The following CRTAM variants were observed in gnomAD, a reference collection of about 807,000 sequenced individuals.
The protein encoded by CRTAM is cytotoxic and regulatory T-cell molecule.
Under a neutral mutation model 50.0 loss-of-function variants are expected in CRTAM, and 44 were observed. The ratio of observed to expected loss-of-function variants is 0.88; its 90% confidence interval spans 0.69 to 1.13. The LOEUF is 1.13. CRTAM is among the 50% of genes most tolerant of loss of function. The pLI, the probability that CRTAM is intolerant of heterozygous loss-of-function variation, is 0.00. For synonymous variants in CRTAM, 159 were observed against 169.3 expected (o/e 0.94, Z 0.47); for missense variants, 448 against 457.5 (o/e 0.98, Z 0.19).
intron 4 of CRTAM, among the ~76,000 whole-genome samples, chr11:122,855,357 C>T (rs1441917039): frequency 3.3e-5 from 5 of 152,210 alleles, no homozygotes; most frequent in Admixed American, 6.5e-5. Flanking sequence ...CAGGGCAGTG[C>T]CAATTCTACT....
intron 1 of CRTAM, among the ~76,000 whole-genome samples, chr11:122,845,372 G>C (rs141739450): frequency 2.0e-5 from 3 of 152,150 alleles, no homozygotes; most frequent in Non-Finnish European, 4.4e-5. Flanking sequence ...ACAAAGAGTG[G>C]GATAAACAAA....
At chr11:122,846,888 T>C (rs912174381) in intron 1 of CRTAM, among the ~76,000 whole-genome samples, 1 of 152,224 alleles carries the variant, frequency 6.6e-6, no homozygotes. Flanking sequence ...TTAGAATGTT[T>C]AATAATAAAT....
chr11:122,869,185 G>T (rs1862221727), intron 9 of CRTAM, among the ~76,000 whole-genome samples: 1 of 152,074 alleles, frequency 6.6e-6, no homozygotes, highest in African/African-American at 2.4e-5. Context: ...AGCCATCCTT[G>T]ACTGTTTGAC....
In CRTAM at chr11:122,853,940, T is replaced by C. The variant is rs771551535; in HGVS notation, c.347-3T>C. ...TAACACAGAAAAATCCATTTTGTTC[T>C]AGCAACTCCTTTCAAGCCAATCCTG... On this transcript the variant is annotated splice_region_variant and splice_polypyrimidine_tract_variant and intron_variant, in intron 3 of 9. Coordinates refer to ENST00000227348, the MANE Select transcript of CRTAM (RefSeq NM_019604.4). 4.3e-6 allele frequency: 7 copies of C among 1,613,532 alleles called. No homozygotes were observed. The highest frequency in any genetic ancestry group is 5.1e-6 in the Non-Finnish European group (6 of 1,179,814).
intron 6 of CRTAM, among the ~76,000 whole-genome samples, chr11:122,863,990 GA>G (rs1035882711): frequency 2.3e-4 from 35 of 149,830 alleles, no homozygotes; most frequent in Middle Eastern, 3.4e-3. Flanking sequence ...GTAAAATCTG[GA>G]AAAAAAAACC....
intron 5 of CRTAM, among the ~76,000 whole-genome samples, chr11:122,858,546 T>A (rs575729181): frequency 6.6e-6 from 1 of 152,030 alleles, no homozygotes; most frequent in African/African-American, 2.4e-5. Context: ...GTTGTTCTTG[T>A]TGAGACAAGG....
rs1861915190 is a variant in CRTAM, at chr11:122,850,304, T to A, written c.193+90T>A. On this transcript the variant is annotated intron_variant, in intron 2 of 9. Transcript: ENST00000227348. ...AGTTTGGTGGGACAGAAAGCCTGCATGAGTCACCCAAGGGGTGGGCTCAGC... is the reference window on the plus strand; with the variant it reads ...AGTTTGGTGGGACAGAAAGCCTGCAAGAGTCACCCAAGGGGTGGGCTCAGC... 2.2e-6 allele frequency: 3 copies of A among 1,355,540 alleles called. No individual in the cohort carries two copies. The South Asian group carries it at 4.7e-5, about 21-fold the overall frequency. The allele number at this position is 1,355,540 out of a possible 1,614,324, so 84.0% of individuals were successfully genotyped here.
intron 5 of CRTAM, among the ~76,000 whole-genome samples, chr11:122,857,946 T>C (rs549499302): frequency 7.9e-5 from 12 of 152,356 alleles, no homozygotes; most frequent in African/African-American, 2.4e-4. Flanking sequence ...GGTCTCACTC[T>C]TTCACCAAAG....
chr11:122,847,027 T>C (rs1455020340), intron 1 of CRTAM, among the ~76,000 whole-genome samples: 1 of 152,226 alleles, frequency 6.6e-6, no homozygotes. Context: ...CAAATAATTA[T>C]TAAGCACTAT....
At chr11:122,845,223 T>C (rs1202515169) in intron 1 of CRTAM, among the ~76,000 whole-genome samples, 4 of 152,134 alleles carry the variant, frequency 2.6e-5, no homozygotes, top group Non-Finnish European at 5.9e-5. Context: ...AGAGTGATCA[T>C]ATATGGCGAA....
At chr11:122,864,815 C>A in intron 7 of CRTAM, 96 bp downstream of exon 7, 4 of 847,156 alleles carry the variant, frequency 4.7e-6, no homozygotes, top group Non-Finnish European at 5.9e-6. Context: ...CTTTTCTTGA[C>A]CTTTCTGCCC....
At position 122,850,212 on chromosome 11, in the gene CRTAM, C is replaced by T. The variant is rs935035237; in HGVS notation, c.191C>T (p.Pro64Leu). The change falls in exon 2 of 10, where the codon CCT (proline) becomes CTT (leucine). Residue 64 changes from proline to leucine, a missense_variant and splice_region_variant. Physicochemically the swap from Pro to Leu is moderately conservative, Grantham distance 98. Transcript: ENST00000227348. ...SGFTIFLNEY[P>L]ALKNSKYQLL... ...TTCACCATTTTTTTAAATGAGTATC[C>T]TGGTAAGTGAAAGAAAGAAAGAAAA... The T allele has an allele frequency of 6.3e-7, 1 of 1,598,664 alleles. No individual in the cohort carries two copies. The highest frequency in any genetic ancestry group is 1.1e-5 in the South Asian group (1 of 89,784).
chr11:122,863,626 GTACCA>G lies in CRTAM; in HGVS notation c.734-1006_734-1002del, dbSNP rs370346750. 7.2e-3 allele frequency among the ~76,000 whole-genome samples: 1,090 copies of G among 152,198 alleles called. 17 individuals are homozygous for G. The highest frequency in any genetic ancestry group is 0.025 in the African/African-American group (1,045 of 41,514). Reference sequence around the variant, plus strand: ...TTCTAAACACTGATAAATACAACATGTACCATACAATTTTTTGAAGGACAATGGAA... The same window carrying G: ...TTCTAAACACTGATAAATACAACATGTACAATTTTTTGAAGGACAATGGAA... On this transcript the variant is annotated intron_variant, in intron 6 of 9. Coordinates refer to ENST00000227348, the MANE Select transcript of CRTAM (RefSeq NM_019604.4).
rs752188383 is a variant in CRTAM, at chr11:122,871,322, A to G, written c.1105A>G (p.Lys369Glu). The G allele has an allele frequency of 2.5e-6, 4 of 1,613,956 alleles. No homozygotes were observed. The highest frequency in any genetic ancestry group is 2.5e-6 in the Non-Finnish European group (3 of 1,179,838). ...CATCACAAAGTTGTACTCAGAAGCA[A>G]AAACAAAGAGGAAGGAAAATGTACA... ...NYITKLYSEA[K>E]TKRKENVQHS... is the part of the protein sequence containing the mutation. Residue 369 changes from lysine to glutamate, a missense_variant, in exon 10 of 10, where the codon AAA becomes GAA. Physicochemically the swap from Lys to Glu is moderately conservative, Grantham distance 56 (BLOSUM62 1). Transcript: ENST00000227348.
intron 9 of CRTAM, among the ~76,000 whole-genome samples, chr11:122,870,005 C>T (rs191594941): frequency 1.1e-3 from 162 of 152,228 alleles, no homozygotes; most frequent in African/African-American, 3.2e-3. Flanking sequence ...CAAGAAGAAC[C>T]AAAACAGTGG....
rs776525664 is a variant in CRTAM at position 122,868,117 on chromosome 11, C to A, written c.1051+18C>A. ...TGGCCAATGTAAGTCAACTGTATGA[C>A]CTGAGATCTGAACAATGAGGTTCAT... On this transcript the variant is annotated intron_variant, in intron 9 of 9. Coordinates refer to ENST00000227348, the MANE Select transcript of CRTAM (RefSeq NM_019604.4). 4.7e-6 allele frequency: 7 copies of A among 1,476,832 alleles called. No homozygotes were observed. The highest frequency in any genetic ancestry group is 6.6e-6 in the Non-Finnish European group (7 of 1,057,636). The allele number at this position is 1,476,832 out of a possible 1,614,324, so 91.5% of individuals were successfully genotyped here.
chr11:122,859,139 T>C (rs1199413467), intron 5 of CRTAM, among the ~76,000 whole-genome samples: 1 of 152,060 alleles, frequency 6.6e-6, no homozygotes, highest in African/African-American at 2.4e-5. Context: ...TGAGATGGAG[T>C]GCACTTATTT....
chr11:122,838,828 G>T (rs1427008824), intron 1 of CRTAM, among the ~76,000 whole-genome samples: 2 of 152,206 alleles, frequency 1.3e-5, no homozygotes, highest in Non-Finnish European at 2.9e-5. Flanking sequence ...GTGTGTCTCT[G>T]TGGGTCCTAT....
At chr11:122,859,703 CA>C (rs925566154) in intron 5 of CRTAM, among the ~76,000 whole-genome samples, 15 of 152,260 alleles carry the variant, frequency 9.9e-5, no homozygotes, top group African/African-American at 3.6e-4. Context: ...CAAAACTCAA[CA>C]AGTAGTAGTT....
Sources: gnomAD v4.1 joint callset for allele counts (sites outside exome capture counted in the v4.1 genomes callset) on GRCh38, gnomAD v4.1.1 for gene constraint, MANE v1.5 for transcripts, NCBI Gene and HGNC (gene_info 2026-07-23, HGNC 2026-07-21) for gene names.